The following ZNF106 variants were observed in gnomAD, a reference collection of about 807,000 sequenced individuals.
ZNF106 encodes zinc finger protein 106, also known as SH3-domain binding protein 3.
A neutral mutation model predicts 195.1 loss-of-function variants in ZNF106; 67 were observed. The observed-to-expected ratio is 0.34, with a 90% CI of 0.28 to 0.42. ZNF106 has a LOEUF of 0.42. Among genes scored for constraint, ZNF106 ranks in the 10% least tolerant of loss-of-function variants. ZNF106 has a pLI of 1.00. For missense variants in ZNF106, 2,118 were observed against 2,304.5 expected (o/e 0.92, Z 1.66); for synonymous variants, 784 against 818.6 (o/e 0.96, Z 0.72).
chr15:42,433,106 T>G (rs1210531463), intron 14 of ZNF106, among the ~76,000 whole-genome samples: 1 of 152,108 alleles, frequency 6.6e-6, no homozygotes, highest in Admixed American at 6.6e-5. Context: ...ATATTTTTAT[T>G]TATTTATTTA....
chr15:42,477,029 T>C (rs2056800236), intron 1 of ZNF106, among the ~76,000 whole-genome samples: 1 of 152,176 alleles, frequency 6.6e-6, no homozygotes, highest in Non-Finnish European at 1.5e-5. Flanking sequence ...GATTACTGAC[T>C]TCACAGGGTA....
chr15:42,440,998 A>AT (rs1302038726), intron 10 of ZNF106, among the ~76,000 whole-genome samples: 9 of 23,548 alleles, frequency 3.8e-4, no homozygotes, highest in African/African-American at 1.0e-3. Context: ...AAAAAAAAAA[A>AT]ATATATATAT....
chr15:42,435,301 T>C (rs2055231549), intron 14 of ZNF106, 83 bp downstream of exon 14: 6 of 1,565,728 alleles, frequency 3.8e-6, no homozygotes, highest in Non-Finnish European at 5.2e-6. Context: ...GAATGAAGCG[T>C]CTGCCACAGT....
Position 42,444,204 on chromosome 15 carries a change from T to C in ZNF106, c.3419A>G (p.Gln1140Arg). The change falls in exon 9 of 22, where the codon CAA becomes CGA. Residue 1140 changes from glutamine (Q) to arginine (R), a missense_variant and splice_region_variant. Physicochemically the swap from Gln to Arg is conservative, Grantham distance 43 (BLOSUM62 1). Coordinates refer to ENST00000564754, the MANE Select transcript of ZNF106 (RefSeq NM_001366845.3). ...THRIQILQGL[Q>R]ETYEPSEHPD... ...TCCATCAGATGCCCTCTGAATACCT[T>C]GTAATCCCTGTAGAATCTGTATTCT... 6.2e-7 allele frequency: 1 copy of C among 1,608,938 alleles called. No homozygotes were observed. Among genetic ancestry groups the C allele is most frequent in the Non-Finnish European group, 8.5e-7 (1 of 1,176,836 alleles).
At chr15:42,468,620 G>C (rs1416070058) in intron 2 of ZNF106, among the ~76,000 whole-genome samples, 1 of 151,550 alleles carries the variant, frequency 6.6e-6, no homozygotes, top group Non-Finnish European at 1.5e-5. Flanking sequence ...GCGCGTGCCT[G>C]TAATCCCAGC....
chr15:42,422,651 A>G, intron 17 of ZNF106, 31 bp from the exon 18 acceptor site: 1 of 1,576,248 alleles, frequency 6.3e-7, no homozygotes, highest in Non-Finnish European at 8.6e-7. Flanking sequence ...GAGTCACCAG[A>G]CTGACTTTCG....
chr15:42,460,715 C>A (rs958012821), intron 3 of ZNF106, among the ~76,000 whole-genome samples: 1 of 152,094 alleles, frequency 6.6e-6, no homozygotes, highest in Admixed American at 6.5e-5. Context: ...ACAAAATTAG[C>A]CGGGTGTGGT....
At chr15:42,462,427 G>C (rs2056414341) in intron 3 of ZNF106, among the ~76,000 whole-genome samples, 1 of 152,086 alleles carries the variant, frequency 6.6e-6, no homozygotes, top group Non-Finnish European at 1.5e-5. Flanking sequence ...GCGAAACCCA[G>C]TTTCTACTAA....
chr15:42,472,809 A>G (rs1253921337), intron 1 of ZNF106, among the ~76,000 whole-genome samples: 1 of 152,166 alleles, frequency 6.6e-6, no homozygotes, highest in African/African-American at 2.4e-5. Flanking sequence ...CAGGAGTTAG[A>G]GACCAGCCTG....
rs532899683 is a variant in ZNF106, at chr15:42,438,689, G to A, written c.4545-22C>T. 86 of 1,611,370 alleles carry A rather than the reference G, an allele frequency of 5.3e-5. No homozygotes were observed. The South Asian group carries it at 5.6e-4, about 11-fold the overall frequency. On this transcript the variant is annotated intron_variant, in intron 11 of 21. Transcript: ENST00000564754. The stretch of plus-strand genomic sequence containing the variant: ...CACACTACAAAATAATAGCAAAAGT[G>A]TTCTCAGCATCTGTGTGAACAGGGC...
At chr15:42,440,753 C>CG (rs1403428138) in intron 10 of ZNF106, among the ~76,000 whole-genome samples, 3 of 151,350 alleles carry the variant, frequency 2.0e-5, no homozygotes, top group Non-Finnish European at 2.9e-5. Context: ...AAGGCTGAGG[C>CG]GGTCGGATCA....
At position 42,449,879 on chromosome 15, in the gene ZNF106, T is replaced by C. The variant is rs79588040; in HGVS notation, c.2393A>G (p.Lys798Arg). The C allele has an allele frequency of 6.2e-7, 1 of 1,614,210 alleles. No individual in the cohort carries two copies. The highest frequency in any genetic ancestry group is 8.5e-7 in the Non-Finnish European group (1 of 1,180,028). The part of the protein sequence containing the change: ...KSETEKESGL[K>R]PTLRQILNAS... ...ATTTAGAATCTGCCGTAGGGTTGGCTTGAGCCCAGACTCCTTCTCTGTCTC... is the reference window on the plus strand; with the variant it reads ...ATTTAGAATCTGCCGTAGGGTTGGCCTGAGCCCAGACTCCTTCTCTGTCTC... The change falls in exon 5 of 22, where the codon AAG (lysine) becomes AGG (arginine). Residue 798 changes from lysine to arginine, a missense_variant. Physicochemically the swap from Lys to Arg is conservative, Grantham distance 26. Coordinates refer to ENST00000564754, the MANE Select transcript of ZNF106 (RefSeq NM_001366845.3).
rs923813641 is a variant in ZNF106 at position 42,415,455 on chromosome 15, G to GT, written c.*1848dup. 2.2e-6 allele frequency: 1 copy of GT among 454,402 alleles called. No homozygotes were observed. The highest frequency in any genetic ancestry group is 2.0e-5 in the African/African-American group (1 of 49,742). The allele number at this position is 454,402 out of a possible 1,614,324, so 28.1% of individuals were successfully genotyped here. ...TAATTCTTGACATTTTTTGGATCAA[G>GT]TAAGAACCACTGGAGCCTTTCCTGG... On this transcript the variant is annotated 3_prime_UTR_variant, in exon 22 of 22. Coordinates refer to ENST00000564754, the MANE Select transcript of ZNF106 (RefSeq NM_001366845.3).
intron 4 of ZNF106, among the ~76,000 whole-genome samples, chr15:42,453,504 C>A (rs2899050): frequency 0.011 from 1,623 of 152,172 alleles, 18 homozygotes; most frequent in Middle Eastern, 0.027. Context: ...GTACTGCTAG[C>A]TAAAATTTAC....
chr15:42,482,324 C>T (rs528316792), intron 1 of ZNF106, among the ~76,000 whole-genome samples: 27 of 152,200 alleles, frequency 1.8e-4, no homozygotes, highest in African/African-American at 6.0e-4. Context: ...GAATAGGTTA[C>T]ATTTTCCTGT....
intron 1 of ZNF106, among the ~76,000 whole-genome samples, chr15:42,477,787 G>T (rs899790002): frequency 1.3e-5 from 2 of 152,070 alleles, no homozygotes; most frequent in Admixed American, 6.5e-5. Context: ...CTACTCGGGA[G>T]GCTGAGGCAG....
intron 1 of ZNF106, among the ~76,000 whole-genome samples, chr15:42,475,418 G>A (rs1464085069): frequency 6.6e-6 from 1 of 151,982 alleles, no homozygotes; most frequent in Admixed American, 6.6e-5. Flanking sequence ...CTCTAGCCTG[G>A]GCGACACAGC....
intron 1 of ZNF106, among the ~76,000 whole-genome samples, chr15:42,480,706 C>T (rs769507986): frequency 2.5e-4 from 38 of 152,118 alleles, no homozygotes; most frequent in Admixed American, 1.4e-3. Flanking sequence ...TACCACTGGC[C>T]GGGCTTGGTG....
intron 4 of ZNF106, 88 bp downstream of exon 4, chr15:42,456,870 C>T: frequency 5.6e-6 from 7 of 1,253,578 alleles, no homozygotes; most frequent in Middle Eastern, 3.9e-4. Context: ...AGTTTAAATG[C>T]CATGGGCTGA....
Sources: gnomAD v4.1 joint callset for allele counts (sites outside exome capture counted in the v4.1 genomes callset) on GRCh38, gnomAD v4.1.1 for gene constraint, MANE v1.5 for transcripts, NCBI Gene and HGNC (gene_info 2026-07-23, HGNC 2026-07-21) for gene names.